PCM1: variants seen among roughly 807,000 people sequenced by gnomAD.
PCM1 encodes pericentriolar material 1, also known as pericentriolar material 1 protein.
A neutral mutation model predicts 241.9 loss-of-function variants in PCM1; 157 were observed. That is an observed-to-expected ratio of 0.65 (90% CI 0.57 to 0.74). The LOEUF (loss-of-function observed/expected upper bound fraction) is 0.74. PCM1 is among the 30% of genes least tolerant of loss of function. PCM1 has a pLI of 0.00. For synonymous variants in PCM1, 1,085 were observed against 784.9 expected, an observed-to-expected ratio of 1.38 and a Z score of -6.39; for missense variants, 3,478 against 2,360.1, an observed-to-expected ratio of 1.47 and a Z score of -9.81.
chr8:17,968,040 A>C (rs1208828587), intron 21 of PCM1, among the ~76,000 whole-genome samples: 1 of 148,146 alleles, frequency 6.8e-6, no homozygotes, highest in Non-Finnish European at 1.5e-5. Flanking sequence ...AGTGTCAGCA[A>C]ATCAGTTCCG....
At chr8:18,022,856 G>T (rs2093868567) in intron 36 of PCM1, among the ~76,000 whole-genome samples, 1 of 152,188 alleles carries the variant, frequency 6.6e-6, no homozygotes, top group Admixed American at 6.5e-5. Flanking sequence ...GGAAACTCTA[G>T]AGGCAAATGG....
At chr8:17,939,069 G>A in intron 5 of PCM1, 60 bp downstream of exon 5, 2 of 1,564,082 alleles carry the variant, frequency 1.3e-6, no homozygotes, top group East Asian at 2.3e-5. Flanking sequence ...CCAACAGTAA[G>A]GTTTAGAAAA....
intron 2 of PCM1, among the ~76,000 whole-genome samples, chr8:17,931,625 T>C (rs1248324227): frequency 6.6e-6 from 1 of 152,206 alleles, no homozygotes; most frequent in Admixed American, 6.5e-5. Flanking sequence ...ACATACTCTT[T>C]TAAGATAAAA....
rs752227377 is a variant in PCM1, at chr8:17,947,220, T to C, written c.818T>C (p.Ile273Thr). Residue 273 changes from isoleucine to threonine, a missense_variant, in exon 7 of 39, where the codon ATA (isoleucine) becomes ACA (threonine). Coordinates refer to ENST00000325083, the MANE Select transcript of PCM1 (RefSeq NM_006197.4). ...CCTCAGCAGGAGCCTATGGAAGAGA[T>C]AGAAAATTTGAAGAAACAACATGAT... ...RDPQQEPMEE[I>T]ENLKKQHDLL... 1.2e-5 allele frequency: 20 copies of C among 1,610,026 alleles called. No individual in the cohort carries two copies. Among genetic ancestry groups the C allele is most frequent in the Middle Eastern group, 3.3e-4 (2 of 6,066 alleles).
chr8:17,954,562 G>C (rs2129460016), intron 9 of PCM1, among the ~76,000 whole-genome samples: 1 of 152,174 alleles, frequency 6.6e-6, no homozygotes, highest in African/African-American at 2.4e-5. Context: ...TTTCCTCACT[G>C]GGAAGCAGTG....
intron 38 of PCM1, among the ~76,000 whole-genome samples, 169 bp downstream of exon 38, chr8:18,025,827 G>C (rs933181668): frequency 2.0e-5 from 3 of 152,158 alleles, no homozygotes; most frequent in African/African-American, 7.2e-5. Context: ...TTATAAAACA[G>C]TGTCAGATAA....
At chr8:17,940,531 T>G (rs756039259) in intron 6 of PCM1, among the ~76,000 whole-genome samples, 9 of 152,166 alleles carry the variant, frequency 5.9e-5, no homozygotes, top group Non-Finnish European at 1.2e-4. Flanking sequence ...CATGTAGTCT[T>G]TTGGAAATAA....
chr8:17,955,385 G>T (rs1294367412), intron 9 of PCM1, 85 bp from the exon 10 acceptor site: 2 of 910,556 alleles, frequency 2.2e-6, no homozygotes, highest in Non-Finnish European at 3.2e-6. Context: ...TTACTTTTTA[G>T]TTTTCAATAT....
At chr8:18,025,890 C>T (rs941794968) in intron 38 of PCM1, among the ~76,000 whole-genome samples, 3 of 151,906 alleles carry the variant, frequency 2.0e-5, no homozygotes, top group East Asian at 1.9e-4. Context: ...GCTGGCTGGG[C>T]GCGGTGGCTC....
chr8:17,992,935 G>GTTTTTTTTTTTTTTTTTTTTTTTTTTTTT (rs3039044), intron 28 of PCM1, among the ~76,000 whole-genome samples: 1 of 123,958 alleles, frequency 8.1e-6, no homozygotes, highest in South Asian at 2.6e-4. Flanking sequence ...CTTTTTGATG[G>GTTTTTTTTTTTTTTTTTTTTTTTTTTTTT]TTTTTTTTTT....
intron 34 of PCM1, among the ~76,000 whole-genome samples, chr8:18,013,495 G>C (rs1326645593): frequency 6.6e-6 from 1 of 152,172 alleles, no homozygotes; most frequent in African/African-American, 2.4e-5. Context: ...TCCTTAAACA[G>C]TTTTAAACAA....
intron 23 of PCM1, among the ~76,000 whole-genome samples, chr8:17,977,150 T>C (rs909178458): frequency 6.6e-6 from 1 of 152,234 alleles, no homozygotes; most frequent in African/African-American, 2.4e-5. Context: ...TTTAGATCAT[T>C]GTATGTTATT....
chr8:18,004,349 C>G (rs1489001469), intron 29 of PCM1, among the ~76,000 whole-genome samples: 1 of 152,124 alleles, frequency 6.6e-6, no homozygotes, highest in East Asian at 1.9e-4. Flanking sequence ...GCTAAAGTGG[C>G]TAGTGACACT....
At chr8:17,962,904 A>C (rs77720436) in intron 16 of PCM1, 197 bp from the exon 17 acceptor site, 1 of 277,570 alleles carries the variant, frequency 3.6e-6, no homozygotes, top group South Asian at 5.3e-5. Context: ...CTCTGTCTCA[A>C]AAAAAAAAAA....
In PCM1 at chr8:17,935,596, A is replaced by C. The variant is rs762361208; in HGVS notation, c.-15A>C. On this transcript the variant is annotated 5_prime_UTR_variant, in exon 3 of 39. Transcript: ENST00000325083. ...TCTTAACTTGTTTCGCAGAGAGTTA[A>C]TTGTTAAATCCAGTATGGCCACAGG... The C allele has an allele frequency of 1.7e-6, 2 of 1,200,512 alleles. No individual in the cohort carries two copies. Among genetic ancestry groups the C allele is most frequent in the South Asian group, 2.5e-5 (2 of 81,322 alleles). 74.4% of individuals were successfully genotyped at this position (1,200,512 alleles called of 1,614,324 possible).
In PCM1 at chr8:17,991,543, T is replaced by C; in HGVS notation, c.4533T>C (p.Gly1511=). The change falls in exon 28 of 39, where the codon GGT becomes GGC. Residue 1511 remains glycine, a splice_region_variant and synonymous_variant. Transcript: ENST00000325083. ...NFEPFATDDL[G]NTVIHLDQAL... Reference sequence around the variant, plus strand: ...AAAATATTTTTGTTCCAAATGTAGGTAACACCGTGATTCACTTAGATCAAG... The same window carrying C: ...AAAATATTTTTGTTCCAAATGTAGGCAACACCGTGATTCACTTAGATCAAG... 1 of 1,595,454 alleles carries C rather than the reference T, an allele frequency of 6.3e-7. No individual in the cohort carries two copies. Among genetic ancestry groups the C allele is most frequent in the African/African-American group, 1.3e-5 (1 of 74,710 alleles).
intron 2 of PCM1, among the ~76,000 whole-genome samples, chr8:17,933,511 G>C (rs924595539): frequency 6.6e-6 from 1 of 152,124 alleles, no homozygotes. Flanking sequence ...TCTACATTTA[G>C]AAAAAGTGGT....
chr8:17,946,444 C>G (rs1166723182), intron 6 of PCM1, among the ~76,000 whole-genome samples: 8 of 151,792 alleles, frequency 5.3e-5, no homozygotes, highest in Admixed American at 5.2e-4. Flanking sequence ...GGTGTGCCTA[C>G]TTTCTAGGTT....
At chr8:18,025,693 A>G in intron 38 of PCM1, 35 bp downstream of exon 38, 1 of 1,205,232 alleles carries the variant, frequency 8.3e-7, no homozygotes, top group African/African-American at 1.5e-5. Context: ...GCCATATTGA[A>G]AAATCATTGA....
Sources: allele counts gnomAD v4.1 joint callset (sites outside exome capture counted in the v4.1 genomes callset), GRCh38; gene constraint gnomAD v4.1.1; transcripts MANE v1.5; gene names NCBI Gene and HGNC (gene_info 2026-07-23, HGNC 2026-07-21).